DLGAP1: variants seen among roughly 807,000 people sequenced by gnomAD.
DLGAP1 encodes the protein disks large-associated protein 1.
DLGAP1 carries 11 observed loss-of-function variants against 90.8 expected under a neutral mutation model. That is an observed-to-expected ratio of 0.12 (90% CI 0.08 to 0.20). The LOEUF (loss-of-function observed/expected upper bound fraction) is 0.20. DLGAP1 is among the 10% of genes least tolerant of loss of function. The pLI, the probability that DLGAP1 is intolerant of heterozygous loss-of-function variation, is 1.00. For synonymous variants in DLGAP1, 558 were observed against 540.7 expected (o/e 1.03, Z -0.44); for missense variants, 1,050 against 1,333.8 (o/e 0.79, Z 3.31).
At position 4,356,451 on chromosome 18, in the gene DLGAP1, G is replaced by A. The variant is rs116201113; in HGVS notation, c.-267+98555C>T. 2.6e-3 allele frequency among the ~76,000 whole-genome samples: 400 copies of A among 152,004 alleles called. 1 individual carries two copies. Among genetic ancestry groups the A allele is most frequent in the African/African-American group, 9.2e-3 (381 of 41,478 alleles). On this transcript the variant is annotated intron_variant, in intron 1 of 12. Coordinates refer to ENST00000315677, the MANE Select transcript of DLGAP1 (RefSeq NM_004746.4). ...TACCCCACCAAACCTGCCCATCCCC[G>A]TTTTTTCCTATGTCAACAATGGACA...
intron 5 of DLGAP1, among the ~76,000 whole-genome samples, chr18:3,809,866 A>C (rs1217352821): frequency 6.6e-6 from 1 of 152,194 alleles, no homozygotes; most frequent in African/African-American, 2.4e-5. Context: ...GGTAGCAGGC[A>C]GTAGTCTCAG....
intron 10 of DLGAP1, among the ~76,000 whole-genome samples, chr18:3,527,057 A>C (rs996182536): frequency 6.6e-6 from 1 of 152,108 alleles, no homozygotes; most frequent in Non-Finnish European, 1.5e-5. Flanking sequence ...TCTGCTTTGC[A>C]TTTATCAGGG....
chr18:4,292,424 C>A (rs1455471457), intron 1 of DLGAP1, among the ~76,000 whole-genome samples: 1 of 151,850 alleles, frequency 6.6e-6, no homozygotes, highest in Non-Finnish European at 1.5e-5. Flanking sequence ...AAAGTCAGAT[C>A]ACCAGATTGT....
intron 1 of DLGAP1, among the ~76,000 whole-genome samples, chr18:4,173,237 T>C (rs531685493): frequency 2.6e-5 from 4 of 152,358 alleles, no homozygotes; most frequent in Admixed American, 2.6e-4. Context: ...TCATAGTAGT[T>C]TGACCTGCAG....
chr18:4,000,691 T>C (rs1482174524), intron 3 of DLGAP1, among the ~76,000 whole-genome samples: 2 of 152,242 alleles, frequency 1.3e-5, no homozygotes, highest in Non-Finnish European at 2.9e-5. Flanking sequence ...TATAAAATCT[T>C]TAGCTCACAT....
intron 4 of DLGAP1, among the ~76,000 whole-genome samples, chr18:3,857,060 T>C (rs191135879): frequency 6.6e-6 from 1 of 152,286 alleles, no homozygotes; most frequent in Non-Finnish European, 1.5e-5. Context: ...GCTTGCTCTG[T>C]AAGTGTGCAC....
intron 1 of DLGAP1, among the ~76,000 whole-genome samples, chr18:4,186,878 T>C (rs868201089): frequency 3.6e-4 from 55 of 152,186 alleles, no homozygotes; most frequent in African/African-American, 1.2e-3. Context: ...TTAATGATAT[T>C]GATTCTTCCT....
chr18:4,096,520 A>G (rs1208501315), intron 2 of DLGAP1, among the ~76,000 whole-genome samples: 2 of 149,024 alleles, frequency 1.3e-5, no homozygotes, highest in East Asian at 2.0e-4. Context: ...ACTTTTTGCC[A>G]TTCTTTTTTT....
At chr18:3,780,110 C>A (rs1397443526) in intron 5 of DLGAP1, among the ~76,000 whole-genome samples, 1 of 151,972 alleles carries the variant, frequency 6.6e-6, no homozygotes, top group East Asian at 1.9e-4. Context: ...ATAGACCACC[C>A]CACAGGCTTA....
chr18:4,390,988 G>C (rs1331635027), intron 1 of DLGAP1, among the ~76,000 whole-genome samples: 2 of 152,072 alleles, frequency 1.3e-5, no homozygotes, highest in Non-Finnish European at 2.9e-5. Context: ...GTACAGAATG[G>C]TCATATACCT....
chr18:4,381,281 G>T (rs895800501), intron 1 of DLGAP1, among the ~76,000 whole-genome samples: 1 of 152,072 alleles, frequency 6.6e-6, no homozygotes, highest in African/African-American at 2.4e-5. Context: ...CAAATAGATA[G>T]ACATAAAAAA....
Position 4,269,360 on chromosome 18 carries a change from T to A in DLGAP1, c.-266-118073A>T, listed in dbSNP as rs1017201085. ...TATATATATATATATATATATTTTTTTTTTTCTTTTTGAGACGGAGTCTTG... is the reference window on the plus strand; with the variant it reads ...TATATATATATATATATATATTTTTATTTTTCTTTTTGAGACGGAGTCTTG... On this transcript the variant is annotated intron_variant, in intron 1 of 12. Coordinates refer to ENST00000315677, the MANE Select transcript of DLGAP1 (RefSeq NM_004746.4). Among the ~76,000 whole-genome samples the A allele has an allele frequency of 8.1e-3, 1,073 of 132,510 alleles. 9 individuals are homozygous for A. The highest frequency in any genetic ancestry group is 0.038 in the African/African-American group (1,028 of 27,274). 86.9% of individuals were successfully genotyped at this position (132,510 alleles called of 152,430 possible). A position where few individuals can be genotyped will look rare whatever the true frequency, so the allele number is the denominator to read the frequency against.
chr18:3,613,042 C>T (rs1386875116), intron 7 of DLGAP1, among the ~76,000 whole-genome samples: 9 of 152,028 alleles, frequency 5.9e-5, no homozygotes, highest in African/African-American at 2.2e-4. Context: ...GGGGTTTCAC[C>T]ATGTTGGTTA....
chr18:4,203,176 G>A (rs2077642110), intron 1 of DLGAP1, among the ~76,000 whole-genome samples: 1 of 151,764 alleles, frequency 6.6e-6, no homozygotes, highest in South Asian at 2.1e-4. Flanking sequence ...TTGAGAGGCT[G>A]AGGCAGGAGA....
intron 1 of DLGAP1, among the ~76,000 whole-genome samples, chr18:4,377,075 C>G (rs1439158883): frequency 1.3e-5 from 2 of 152,074 alleles, no homozygotes; most frequent in Non-Finnish European, 2.9e-5. Flanking sequence ...TGTGACTCTG[C>G]CATACAAGCC....
At chr18:3,843,461 C>A (rs909613791) in intron 4 of DLGAP1, among the ~76,000 whole-genome samples, 1 of 152,242 alleles carries the variant, frequency 6.6e-6, no homozygotes, top group African/African-American at 2.4e-5. Context: ...GCGGTGGTTA[C>A]AAAAATTTGT....
chr18:4,305,820 G>A (rs1014381171), intron 1 of DLGAP1, among the ~76,000 whole-genome samples: 6 of 151,260 alleles, frequency 4.0e-5, no homozygotes, highest in African/African-American at 1.5e-4. Context: ...CCCTTCTAAT[G>A]TTAAAACAAA....
At chr18:4,112,505 T>C (rs2075991788) in intron 2 of DLGAP1, among the ~76,000 whole-genome samples, 1 of 152,186 alleles carries the variant, frequency 6.6e-6, no homozygotes, top group African/African-American at 2.4e-5. Context: ...TTATGGAAAG[T>C]AGGGTGCTGA....
At chr18:4,453,883 C>A (rs2083898071) in intron 1 of DLGAP1, among the ~76,000 whole-genome samples, 1 of 152,178 alleles carries the variant, frequency 6.6e-6, no homozygotes, top group South Asian at 2.1e-4. Flanking sequence ...GACGTGACAT[C>A]TCCCACCCAG....
Sources: gnomAD v4.1 joint callset for allele counts (sites outside exome capture counted in the v4.1 genomes callset) on GRCh38, gnomAD v4.1.1 for gene constraint, MANE v1.5 for transcripts, NCBI Gene and HGNC (gene_info 2026-07-23, HGNC 2026-07-21) for gene names.